The following KDM5B variants were observed in gnomAD, a reference collection of about 807,000 sequenced individuals.
KDM5B encodes the protein lysine demethylase 5B, also known as lysine-specific demethylase 5B.
Under a neutral mutation model 193.4 loss-of-function variants are expected in KDM5B, and 144 were observed. The ratio of observed to expected loss-of-function variants is 0.74; its 90% CI spans 0.65 to 0.86. The LOEUF (loss-of-function observed/expected upper bound fraction) is 0.86, where lower values mean the gene tolerates loss of function less well. Ranked by LOEUF, KDM5B falls within the 40% of genes least tolerant of loss-of-function variation. KDM5B has a pLI of 0.00. For synonymous variants in KDM5B, 668 were observed against 682.6 expected, an observed-to-expected ratio of 0.98 and a Z score of 0.33; for missense variants, 1,833 against 1,886.9, an observed-to-expected ratio of 0.97 and a Z score of 0.53.
intron 1 of KDM5B, among the ~76,000 whole-genome samples, chr1:202,779,757 C>T (rs1186427228): frequency 1.3e-5 from 2 of 151,418 alleles, no homozygotes; most frequent in African/African-American, 4.9e-5. Context: ...GAGCCAAGAT[C>T]ATGCCTTTGC....
At chr1:202,762,599 G>A in intron 7 of KDM5B, 100 bp downstream of exon 7, 1 of 716,462 alleles carries the variant, frequency 1.4e-6, no homozygotes, top group South Asian at 1.7e-5. Context: ...TCTTATTTAA[G>A]GTACAAATTT....
chr1:202,736,643 GTTT>G (rs930869614), intron 20 of KDM5B, among the ~76,000 whole-genome samples: 1 of 147,920 alleles, frequency 6.8e-6, no homozygotes. Context: ...TGGTAGTGTT[GTTT>G]TTTTTTTCTT....
intron 1 of KDM5B, among the ~76,000 whole-genome samples, chr1:202,791,203 TG>T (rs985948606): frequency 5.3e-5 from 8 of 152,224 alleles, no homozygotes; most frequent in African/African-American, 1.9e-4. Context: ...AAAGTAAATT[TG>T]ATTTGAAAGA....
chr1:202,784,768 G>A (rs1657337727), intron 1 of KDM5B, among the ~76,000 whole-genome samples: 1 of 152,162 alleles, frequency 6.6e-6, no homozygotes, highest in African/African-American at 2.4e-5. Context: ...GGCCAGGAAC[G>A]GTGGCTCATG....
At chr1:202,772,991 C>A (rs895603235) in intron 4 of KDM5B, 127 bp downstream of exon 4, 4 of 676,652 alleles carry the variant, frequency 5.9e-6, no homozygotes, top group Admixed American at 3.0e-5. Context: ...GCCACCGCGC[C>A]CCACCAAAAT....
At chr1:202,796,664 C>T (rs932873880) in intron 1 of KDM5B, 22 of 161,716 alleles carry the variant, frequency 1.4e-4, no homozygotes, top group East Asian at 1.2e-3. Context: ...GTGGCTGTGC[C>T]GGGGCCCCAC....
chr1:202,791,757 C>T (rs1657651788), intron 1 of KDM5B, among the ~76,000 whole-genome samples: 1 of 152,158 alleles, frequency 6.6e-6, no homozygotes, highest in East Asian at 1.9e-4. Flanking sequence ...CTTGCTCTGT[C>T]ACCCAGGCTG....
intron 4 of KDM5B, among the ~76,000 whole-genome samples, chr1:202,769,019 C>G (rs1656594418): frequency 1.3e-5 from 2 of 149,398 alleles, no homozygotes; most frequent in African/African-American, 2.5e-5. Flanking sequence ...CGGCCTACGG[C>G]CTATTATATT....
Position 202,752,948 on chromosome 1 carries a change from A to G in KDM5B, c.1658T>C (p.Val553Ala). The G allele has an allele frequency of 6.2e-7, 1 of 1,614,206 alleles. No individual in the cohort carries two copies. The highest frequency in any genetic ancestry group is 8.5e-7 in the Non-Finnish European group (1 of 1,180,024). Residue 553 changes from valine (V) to alanine (A), a missense_variant, in exon 12 of 27, where the codon GTG becomes GCG. Coordinates refer to ENST00000367265, the MANE Select transcript of KDM5B (RefSeq NM_006618.5). ...CAGGGTATTGGGGTTCATGATGGTC[A>G]CAAGCTGATGGAGGAGATCCGGCTG... ...VSQPDLLHQL[V>A]TIMNPNTLMT...
chr1:202,736,466 A>AGATT, intron 20 of KDM5B, 74 bp from the exon 21 acceptor site: 3 of 1,246,690 alleles, frequency 2.4e-6, no homozygotes, highest in African/African-American at 3.0e-5. Context: ...AGCTTAATTC[A>AGATT]GATTGGTCCA....
rs1654695872 is a variant in KDM5B at position 202,726,996 on chromosome 1, C to T, written c.*2040G>A. 1.3e-5 allele frequency: 2 copies of T among 152,190 alleles called. No homozygotes were observed. Among genetic ancestry groups the T allele is most frequent in the Non-Finnish European group, 2.9e-5 (2 of 68,048 alleles). 9.4% of individuals were successfully genotyped at this position (152,190 alleles called of 1,614,324 possible). The stretch of plus-strand genomic sequence containing the variant: ...AGTGGTTCAAATACACACATGCCTA[C>T]CTTTTCTAACTCACTCAGAGATACA... On this transcript the variant is annotated 3_prime_UTR_variant, in exon 27 of 27. Transcript: ENST00000367265.
intron 21 of KDM5B, 111 bp from the exon 22 acceptor site, chr1:202,735,698 A>G: frequency 1.0e-6 from 1 of 1,002,222 alleles, no homozygotes; most frequent in East Asian, 2.5e-5. Context: ...ATTTCTTAGT[A>G]TTGAAGATTT....
chr1:202,745,728 CG>C, intron 16 of KDM5B, 129 bp downstream of exon 16: 1 of 978,218 alleles, frequency 1.0e-6, no homozygotes, highest in Non-Finnish European at 1.6e-6. Context: ...CTCTGTAAAC[CG>C]GGCTATGTAG....
chr1:202,750,999 A>C (rs1211303975), intron 12 of KDM5B, among the ~76,000 whole-genome samples: 1 of 152,222 alleles, frequency 6.6e-6, no homozygotes, highest in Admixed American at 6.5e-5. Context: ...TAGTATCTGA[A>C]CACAAAACAA....
chr1:202,742,298 T>A (rs1655375256), intron 18 of KDM5B, 93 bp downstream of exon 18: 6 of 827,424 alleles, frequency 7.3e-6, no homozygotes, highest in Non-Finnish European at 9.9e-6. Flanking sequence ...TACATATTAA[T>A]CATCAAAGAA....
Position 202,729,779 on chromosome 1 carries a change from G to C in KDM5B, c.4425C>G (p.Ser1475=). The stretch of plus-strand genomic sequence containing the variant: ...CTTCATCCTCAGAGTCTTCCTGTTC[G>C]GAATAGGATGTGTCTGAGGGCAGGG... ...THSLPSDTSY[S]EQEDSEDEDA... is the part of the protein sequence containing the mutation. Residue 1475 remains serine (S), a synonymous_variant, in exon 26 of 27, where the codon TCC becomes TCG. Coordinates refer to ENST00000367265, the MANE Select transcript of KDM5B (RefSeq NM_006618.5). 1 of 1,614,010 alleles carries C rather than the reference G, an allele frequency of 6.2e-7. No homozygotes were observed. The highest frequency in any genetic ancestry group is 8.5e-7 in the Non-Finnish European group (1 of 1,179,900).
Position 202,755,436 on chromosome 1 carries a change from C to T in KDM5B, c.1373G>A (p.Gly458Asp). The change falls in exon 11 of 27, where the codon GGC becomes GAC. Residue 458 changes from glycine to aspartate, a missense_variant. By Grantham distance (94) the Gly-to-Asp change is moderately conservative. This residue lies in a region of KDM5B where 1,379 missense variants were observed against 1,349.6 expected (regional missense o/e 1.02). Coordinates refer to ENST00000367265, the MANE Select transcript of KDM5B (RefSeq NM_006618.5). Reference protein sequence around the residue: ...SPEEEEYLDSGWNLNNMPVME... With the variant: ...SPEEEEYLDSDWNLNNMPVME... ...CACTGGCATGTTGTTCAAATTCCAG[C>T]CACTATCAAGATACTCCTAAAAATA... 1 of 1,612,670 alleles carries T rather than the reference C, an allele frequency of 6.2e-7. No homozygotes were observed. The highest frequency in any genetic ancestry group is 8.5e-7 in the Non-Finnish European group (1 of 1,178,994).
chr1:202,786,623 C>CTTTG (rs1657425115), intron 1 of KDM5B, among the ~76,000 whole-genome samples: 1 of 152,188 alleles, frequency 6.6e-6, no homozygotes, highest in Non-Finnish European at 1.5e-5. Flanking sequence ...TAATACCATG[C>CTTTG]CATTTCCTGT....
rs56202317 is a variant in KDM5B at position 202,743,336 on chromosome 1, C to CAA, written c.2324-533_2324-532dup. Among the ~76,000 whole-genome samples the CAA allele has an allele frequency of 3.0e-3, 237 of 79,422 alleles. 16 individuals are homozygous for CAA. Among genetic ancestry groups the CAA allele is most frequent in the African/African-American group, 0.012 (215 of 18,278 alleles). The allele number at this position is 79,422 out of a possible 152,430, so 52.1% of individuals were successfully genotyped here. A position where few individuals can be genotyped will look rare whatever the true frequency, so the allele number is the denominator to read the frequency against. On this transcript the variant is annotated intron_variant, in intron 16 of 26. Coordinates refer to ENST00000367265, the MANE Select transcript of KDM5B (RefSeq NM_006618.5). Reference sequence around the variant, plus strand: ...GAGATGACAGAGCAAGACCTTGTCTCAAAAAAAAAAAAAAAAAAAAAAAAA... The same window carrying CAA: ...GAGATGACAGAGCAAGACCTTGTCTCAAAAAAAAAAAAAAAAAAAAAAAAAAA...
Sources: allele counts gnomAD v4.1 joint callset (sites outside exome capture counted in the v4.1 genomes callset), GRCh38; gene constraint gnomAD v4.1.1; regional missense constraint gnomAD v4.1.1; transcripts MANE v1.5; gene names NCBI Gene and HGNC (gene_info 2026-07-23, HGNC 2026-07-21).